PTBP3: variants seen among roughly 807,000 people sequenced by gnomAD.
The protein encoded by PTBP3 is polypyrimidine tract binding protein 3, also known as polypyrimidine tract-binding protein 3.
Under a neutral mutation model 58.7 loss-of-function variants are expected in PTBP3, and 20 were observed. The observed-to-expected ratio is 0.34, with a 90% CI of 0.24 to 0.50. The LOEUF (loss-of-function observed/expected upper bound fraction) is 0.50. Ranked by LOEUF, PTBP3 falls within the 20% of genes least tolerant of loss-of-function variation. The probability of loss-of-function intolerance (pLI) is 0.98; values close to 1 mark genes in which losing one functional copy is unlikely to be tolerated. For synonymous variants in PTBP3, 185 were observed against 219.8 expected (o/e 0.84, Z 1.40); for missense variants, 509 against 637.2 (o/e 0.80, Z 2.17).
chr9:112,371,732 T>C, the PTBP3 span, among the ~76,000 whole-genome samples: 3 of 147,552 alleles, frequency 2.0e-5, no homozygotes, highest in Non-Finnish European at 3.0e-5. Context: ...TAGTTCACAA[T>C]TCATTCATTT....
chr9:112,240,501 T>A (rs1835612129), intron 7 of PTBP3, among the ~76,000 whole-genome samples: 1 of 152,092 alleles, frequency 6.6e-6, no homozygotes. Flanking sequence ...TAAAACTCTA[T>A]AAAAGTACAG....
intron 2 of PTBP3, among the ~76,000 whole-genome samples, chr9:112,277,627 T>C (rs1827664342): frequency 6.6e-6 from 1 of 151,692 alleles, no homozygotes; most frequent in South Asian, 2.1e-4. Flanking sequence ...GAGGCTGAGG[T>C]GGGCTGATCA....
intron 1 of PTBP3, among the ~76,000 whole-genome samples, chr9:112,308,363 A>C (rs10759549): frequency 0.038 from 1,354 of 35,252 alleles, 29 homozygotes; most frequent in African/African-American, 0.14. Flanking sequence ...AAAAAAAAAA[A>C]AAAAAAAAAA....
Position 112,220,297 on chromosome 9 carries a change from G to A in PTBP3, c.*3554C>T, listed in dbSNP as rs1834760993. 2 of 1,317,336 alleles carry A rather than the reference G, an allele frequency of 1.5e-6. No homozygotes were observed. Among genetic ancestry groups the A allele is most frequent in the Non-Finnish European group, 2.0e-6 (2 of 1,004,298 alleles). 81.6% of individuals were successfully genotyped at this position (1,317,336 alleles called of 1,614,324 possible). On this transcript the variant is annotated 3_prime_UTR_variant, in exon 14 of 14. Coordinates refer to ENST00000374257, the MANE Select transcript of PTBP3 (RefSeq NM_001163788.4). Reference sequence around the variant, plus strand: ...AAAAGAACAGAGAGCCAGGCGTGGTGGCTCATGCCTGTAATCCCAGCACTG... The same window carrying A: ...AAAAGAACAGAGAGCCAGGCGTGGTAGCTCATGCCTGTAATCCCAGCACTG...
At chr9:112,298,571 C>CAATA (rs779805878) in intron 1 of PTBP3, 7 of 508,562 alleles carry the variant, frequency 1.4e-5, no homozygotes, top group Non-Finnish European at 2.3e-5. Context: ...TCAGGAAGGA[C>CAATA]AATAAATACT....
At chr9:112,373,773 G>A in the PTBP3 span, among the ~76,000 whole-genome samples, 1 of 152,070 alleles carries the variant, frequency 6.6e-6, no homozygotes, top group Admixed American at 6.5e-5. Flanking sequence ...CATGATAAAG[G>A]AAAAAGGAAA....
the PTBP3 span, among the ~76,000 whole-genome samples, chr9:112,340,876 C>CCAA: frequency 3.3e-5 from 1 of 30,068 alleles, no homozygotes; most frequent in Non-Finnish European, 5.6e-5. Flanking sequence ...AACTCTGTCT[C>CCAA]AAAAAAAAAA....
chr9:112,265,705 G>A lies in PTBP3; in HGVS notation c.351+2344C>T, dbSNP rs567813344. On this transcript the variant is annotated intron_variant, in intron 4 of 13. Transcript: ENST00000374257. ...AGCAGAACGTATAAGCATGTTAGAC[G>A]AGACTGTGCATGAGTGTGTGTACAT... 3.0e-4 allele frequency among the ~76,000 whole-genome samples: 45 copies of A among 152,284 alleles called. 1 individual carries two copies. The highest frequency in any genetic ancestry group is 7.2e-4 in the Admixed American group (11 of 15,298).
chr9:112,286,470 ACTCC>A (rs1163955241), intron 2 of PTBP3, among the ~76,000 whole-genome samples: 1 of 151,022 alleles, frequency 6.6e-6, no homozygotes, highest in Non-Finnish European at 1.5e-5. Flanking sequence ...TTTTTAAGTG[ACTCC>A]TGTGGAGTAG....
upstream of PTBP3, among the ~76,000 whole-genome samples, chr9:112,334,622 T>C (rs954153152): frequency 3.9e-5 from 6 of 152,192 alleles, no homozygotes; most frequent in Non-Finnish European, 8.8e-5. Context: ...AGAGCGGGGC[T>C]CCTCCCCGTG....
At chr9:112,312,342 C>T (rs1587875019) in intron 1 of PTBP3, among the ~76,000 whole-genome samples, 1 of 151,928 alleles carries the variant, frequency 6.6e-6, no homozygotes, top group South Asian at 2.1e-4. Context: ...ACAATAACAA[C>T]AACAATTCAC....
At chr9:112,231,867 C>T (rs531832584) in intron 9 of PTBP3, among the ~76,000 whole-genome samples, 18 of 149,584 alleles carry the variant, frequency 1.2e-4, no homozygotes, top group Non-Finnish European at 2.4e-4. Context: ...AATGCAGCAC[C>T]ACACTGAAGC....
chr9:112,305,363 G>T (rs562055990), intron 1 of PTBP3, among the ~76,000 whole-genome samples: 1 of 151,906 alleles, frequency 6.6e-6, no homozygotes, highest in South Asian at 2.1e-4. Flanking sequence ...TAGGGTAGGA[G>T]CTTTGGGTCA....
chr9:112,366,033 C>T, the PTBP3 span, among the ~76,000 whole-genome samples: 1 of 152,056 alleles, frequency 6.6e-6, no homozygotes, highest in Non-Finnish European at 1.5e-5. Context: ...GCCTGTAATC[C>T]CAGCACTTTG....
At chr9:112,329,226 C>T (rs771106029) in intron 1 of PTBP3, among the ~76,000 whole-genome samples, 8 of 152,140 alleles carry the variant, frequency 5.3e-5, no homozygotes, top group Non-Finnish European at 8.8e-5. Context: ...GCCTGGGCAA[C>T]GTGTCGAAAC....
intron 2 of PTBP3, among the ~76,000 whole-genome samples, chr9:112,284,002 A>G (rs1827993981): frequency 6.6e-6 from 1 of 152,198 alleles, no homozygotes; most frequent in Non-Finnish European, 1.5e-5. Context: ...CTCCACCTAC[A>G]TTTCAGAGGA....
intron 1 of PTBP3, among the ~76,000 whole-genome samples, chr9:112,320,315 T>TA (rs60292377): frequency 0.01 from 276 of 26,980 alleles, 4 homozygotes; most frequent in African/African-American, 0.02. Context: ...TATATATATA[T>TA]TTTTTTTTAA....
chr9:112,287,148 T>C (rs1371999206), intron 2 of PTBP3, among the ~76,000 whole-genome samples: 1 of 151,492 alleles, frequency 6.6e-6, no homozygotes, highest in African/African-American at 2.4e-5. Flanking sequence ...CTGCTTAAGT[T>C]TCACTGAACT....
the PTBP3 span, among the ~76,000 whole-genome samples, chr9:112,379,620 G>C: frequency 2.6e-5 from 4 of 152,184 alleles, no homozygotes; most frequent in Non-Finnish European, 5.9e-5. Context: ...CAGCCACAAA[G>C]GCAATTTCTG....
Sources: allele counts gnomAD v4.1 joint callset (sites outside exome capture counted in the v4.1 genomes callset), GRCh38; gene constraint gnomAD v4.1.1; transcripts MANE v1.5; gene names NCBI Gene and HGNC (gene_info 2026-07-23, HGNC 2026-07-21).